The following WDR76 variants were observed in gnomAD, a reference collection of about 807,000 sequenced individuals.
The protein encoded by WDR76 is WD repeat domain 76.
A neutral mutation model predicts 70.2 loss-of-function variants in WDR76; 52 were observed. That is an observed-to-expected ratio of 0.74 (90% CI 0.59 to 0.93). WDR76 has a LOEUF of 0.93. Among genes scored for constraint, WDR76 ranks in the 40% least tolerant of loss-of-function variants. The probability of loss-of-function intolerance (pLI) is 0.00; values close to 1 mark genes in which losing one functional copy is unlikely to be tolerated. For missense variants in WDR76, 756 were observed against 760.2 expected, an observed-to-expected ratio of 0.99 and a Z score of 0.07; for synonymous variants, 292 against 271.1, an observed-to-expected ratio of 1.08 and a Z score of -0.76.
intron 5 of WDR76, among the ~76,000 whole-genome samples, chr15:43,840,294 T>G (rs1343817341): frequency 6.6e-6 from 1 of 151,846 alleles, no homozygotes; most frequent in Non-Finnish European, 1.5e-5. Flanking sequence ...TAAAAAAAAG[T>G]CAGCAATAAT....
chr15:43,827,208 C>G lies in WDR76; in HGVS notation c.60+116C>G, dbSNP rs901028315. ...CTGGCACCGGGGGTAGGCGGGGGAT[C>G]CCTGCCCTTAGGCCTTCAGCTTTGA... On this transcript the variant is annotated intron_variant, in intron 1 of 12. Transcript: ENST00000263795. 43 of 1,340,020 alleles carry G rather than the reference C, an allele frequency of 3.2e-5. No homozygotes were observed. In the Middle Eastern group the frequency reaches 3.4e-3, roughly 107 times the overall value. 83.0% of individuals were successfully genotyped at this position (1,340,020 alleles called of 1,614,324 possible). A position where few individuals can be genotyped will look rare whatever the true frequency, so the allele number is the denominator to read the frequency against.
intron 9 of WDR76, among the ~76,000 whole-genome samples, chr15:43,852,953 A>G (rs1295315540): frequency 1.3e-5 from 2 of 151,978 alleles, no homozygotes; most frequent in East Asian, 1.9e-4. Flanking sequence ...CAGCAGTGCA[A>G]TCTTGGCTCA....
At chr15:43,851,582 T>G (rs2087860699) in intron 9 of WDR76, among the ~76,000 whole-genome samples, 1 of 152,194 alleles carries the variant, frequency 6.6e-6, no homozygotes, top group Non-Finnish European at 1.5e-5. Flanking sequence ...AAATTTCTTT[T>G]TTTTTTCTCT....
At chr15:43,827,294 C>G (rs1459451847) in intron 1 of WDR76, among the ~76,000 whole-genome samples, 1 of 152,184 alleles carries the variant, frequency 6.6e-6, no homozygotes, top group Non-Finnish European at 1.5e-5. Flanking sequence ...GATTCCCTTT[C>G]TTCAACCTTC....
At chr15:43,831,671 C>G (rs2087590612) in intron 2 of WDR76, among the ~76,000 whole-genome samples, 1 of 152,076 alleles carries the variant, frequency 6.6e-6, no homozygotes, top group Non-Finnish European at 1.5e-5. Flanking sequence ...AACTCCTGAC[C>G]TCAAGTGATC....
Position 43,859,750 on chromosome 15 carries a change from G to C in WDR76, c.1562+927G>C, listed in dbSNP as rs16977798. Among the ~76,000 whole-genome samples the C allele has an allele frequency of 2.0e-5, 3 of 152,014 alleles. No homozygotes were observed. In the East Asian group the frequency reaches 5.8e-4, roughly 29 times the overall value. ...AAAGCTGCTTATTCTGTTCCTGTTC[G>C]TTTACACTGCAGTTTACTCTTGTTA... On this transcript the variant is annotated intron_variant, in intron 11 of 12. Coordinates refer to ENST00000263795, the MANE Select transcript of WDR76 (RefSeq NM_024908.4).
Sources: gnomAD v4.1 joint callset for allele counts (sites outside exome capture counted in the v4.1 genomes callset) on GRCh38, gnomAD v4.1.1 for gene constraint, MANE v1.5 for transcripts, NCBI Gene and HGNC (gene_info 2026-07-23, HGNC 2026-07-21) for gene names.